The following FAM135B variants were observed in gnomAD, a reference collection of about 807,000 sequenced individuals.
FAM135B encodes protein FAM135B.
FAM135B carries 43 observed loss-of-function variants against 127.7 expected under a neutral mutation model. That is an observed-to-expected ratio of 0.34 (90% CI 0.26 to 0.43). FAM135B has a LOEUF of 0.43. Among genes scored for constraint, FAM135B ranks in the 20% least tolerant of loss-of-function variants. The pLI, the probability that FAM135B is intolerant of heterozygous loss-of-function variation, is 1.00. For synonymous variants in FAM135B, 670 were observed against 665.1 expected, an observed-to-expected ratio of 1.01 and a Z score of -0.11; for missense variants, 1,558 against 1,725.6, an observed-to-expected ratio of 0.90 and a Z score of 1.72.
intron 7 of FAM135B, among the ~76,000 whole-genome samples, chr8:138,235,587 T>C (rs887824002): frequency 2.6e-5 from 4 of 152,150 alleles, no homozygotes; most frequent in Non-Finnish European, 5.9e-5. Context: ...TATAAGAGAA[T>C]AAGAAGAAGA....
intron 3 of FAM135B, among the ~76,000 whole-genome samples, chr8:138,306,445 G>GAAAAAAAAA (rs1270039437): frequency 7.9e-6 from 1 of 126,976 alleles, no homozygotes; most frequent in Non-Finnish European, 1.7e-5. Context: ...GAAAAAAAAA[G>GAAAAAAAAA]AAAAAAAAAA....
chr8:138,333,706 A>G (rs551966980), intron 2 of FAM135B, among the ~76,000 whole-genome samples: 1 of 152,228 alleles, frequency 6.6e-6, no homozygotes, highest in Non-Finnish European at 1.5e-5. Flanking sequence ...CCCTCAAGAC[A>G]TGAATTGAGA....
At chr8:138,468,948 G>T (rs12681081) in intron 1 of FAM135B, among the ~76,000 whole-genome samples, 65,110 of 151,870 alleles carry the variant, frequency 0.43, 15,932 homozygotes, top group East Asian at 0.76. Flanking sequence ...GGAAGGCTGA[G>T]GCAGGAGAAT....
rs1296709259 is a variant in FAM135B at position 138,442,260 on chromosome 8, A to ATG, written c.-20+54410_-20+54411insCA. On this transcript the variant is annotated intron_variant, in intron 1 of 19. Transcript: ENST00000395297. ...ACCATATATATATATATATATATAT[A>ATG]TATATATATATATATATGAAAAACC... Among the ~76,000 whole-genome samples the ATG allele has an allele frequency of 1.1e-3, 134 of 126,718 alleles. 6 individuals carry two copies. The highest frequency in any genetic ancestry group is 2.9e-4 in the Non-Finnish European group (17 of 59,412). 83.1% of individuals were successfully genotyped at this position (126,718 alleles called of 152,430 possible).
chr8:138,158,284 T>A (rs1349690033), intron 12 of FAM135B, among the ~76,000 whole-genome samples: 1 of 152,166 alleles, frequency 6.6e-6, no homozygotes, highest in Non-Finnish European at 1.5e-5. Flanking sequence ...TCCTTACACC[T>A]TATACAAAAA....
chr8:138,221,563 G>A (rs1302027609), intron 7 of FAM135B, among the ~76,000 whole-genome samples: 1 of 152,134 alleles, frequency 6.6e-6, no homozygotes, highest in Non-Finnish European at 1.5e-5. Context: ...AGAGTTCACA[G>A]GACAGAGTAC....
intron 3 of FAM135B, among the ~76,000 whole-genome samples, chr8:138,268,331 T>C (rs1823103868): frequency 6.6e-6 from 1 of 152,134 alleles, no homozygotes; most frequent in African/African-American, 2.4e-5. Flanking sequence ...TTATGGGAGA[T>C]TAAGCGCCTC....
intron 6 of FAM135B, among the ~76,000 whole-genome samples, chr8:138,249,319 T>G (rs1821531448): frequency 6.6e-6 from 1 of 152,214 alleles, no homozygotes; most frequent in African/African-American, 2.4e-5. Flanking sequence ...TGCTGTCCTT[T>G]GTTTCTATAA....
intron 1 of FAM135B, among the ~76,000 whole-genome samples, chr8:138,402,203 C>CTTTTT (rs3085343): frequency 5.3e-5 from 8 of 151,494 alleles, no homozygotes; most frequent in Non-Finnish European, 8.8e-5. Flanking sequence ...GGAACACTGC[C>CTTTTT]TTTTCAACAG....
intron 15 of FAM135B, 126 bp downstream of exon 15, chr8:138,145,833 G>A: frequency 3.5e-6 from 2 of 577,380 alleles, no homozygotes; most frequent in Non-Finnish European, 6.2e-6. Flanking sequence ...CCAAATGCCT[G>A]GCCAGCATCT....
chr8:138,467,844 G>A (rs1293094741), intron 1 of FAM135B, among the ~76,000 whole-genome samples: 2 of 152,168 alleles, frequency 1.3e-5, no homozygotes, highest in Non-Finnish European at 2.9e-5. Flanking sequence ...TGAATGTAGA[G>A]TATACATTAA....
chr8:138,402,997 C>T (rs185048176), intron 1 of FAM135B, among the ~76,000 whole-genome samples: 1 of 152,232 alleles, frequency 6.6e-6, no homozygotes, highest in East Asian at 1.9e-4. Flanking sequence ...AGCAAAAAGA[C>T]GGCCATCTGC....
intron 6 of FAM135B, 70 bp downstream of exon 6, chr8:138,250,771 C>A (rs2130480771): frequency 6.4e-7 from 1 of 1,561,260 alleles, no homozygotes; most frequent in Non-Finnish European, 8.7e-7. Flanking sequence ...CTGGAAAACT[C>A]CCTGCCCCTC....
chr8:138,257,063 A>T (rs923709924), intron 4 of FAM135B, among the ~76,000 whole-genome samples: 1 of 152,184 alleles, frequency 6.6e-6, no homozygotes, highest in Non-Finnish European at 1.5e-5. Context: ...TTTGGATTTG[A>T]TCTAGAATCC....
intron 5 of FAM135B, among the ~76,000 whole-genome samples, chr8:138,253,269 G>A (rs62532056): frequency 0.45 from 68,965 of 152,072 alleles, 15,943 homozygotes; most frequent in East Asian, 0.63. Context: ...GGGCCATGAC[G>A]TGAAGGAGTG....
chr8:138,451,941 C>T (rs1198719781), intron 1 of FAM135B, among the ~76,000 whole-genome samples: 2 of 152,042 alleles, frequency 1.3e-5, no homozygotes, highest in Non-Finnish European at 2.9e-5. Context: ...GCTGATGGCA[C>T]AGCCCATATT....
rs532557680 is a variant in FAM135B, at chr8:138,283,029, T to G, written c.158-17187A>C. Among the ~76,000 whole-genome samples, 4 of 152,188 alleles carry G rather than the reference T, an allele frequency of 2.6e-5. No homozygotes were observed. The East Asian group carries it at 7.7e-4, about 29-fold the overall frequency. On this transcript the variant is annotated intron_variant, in intron 3 of 19. Transcript: ENST00000395297. ...GATTTTCCCGCCTCAGTCTCCTGAG[T>G]AGCTGGGATTACAGGCACGTGCCAC...
intron 11 of FAM135B, among the ~76,000 whole-genome samples, chr8:138,169,976 C>G (rs1420138169): frequency 6.6e-6 from 1 of 152,136 alleles, no homozygotes; most frequent in African/African-American, 2.4e-5. Context: ...CTAAAGGGTA[C>G]ATAGGAATCA....
intron 3 of FAM135B, among the ~76,000 whole-genome samples, chr8:138,279,839 G>C (rs1360958487): frequency 2.0e-5 from 3 of 152,094 alleles, no homozygotes; most frequent in African/African-American, 7.2e-5. Context: ...GCAATCACTT[G>C]AGTCTCTTCC....
Sources: allele counts gnomAD v4.1 joint callset (sites outside exome capture counted in the v4.1 genomes callset), GRCh38; gene constraint gnomAD v4.1.1; transcripts MANE v1.5; gene names NCBI Gene and HGNC (gene_info 2026-07-23, HGNC 2026-07-21).